CNTNAP2: variants seen among roughly 807,000 people sequenced by gnomAD.
CNTNAP2 encodes contactin associated protein 2.
Under a neutral mutation model 155.2 loss-of-function variants are expected in CNTNAP2, and 98 were observed. The ratio of observed to expected loss-of-function variants is 0.63; its 90% CI spans 0.54 to 0.75. The LOEUF is 0.75. Ranked by LOEUF, CNTNAP2 falls within the 30% of genes least tolerant of loss-of-function variation. The probability of loss-of-function intolerance (pLI) is 0.00; values close to 1 mark genes in which losing one functional copy is unlikely to be tolerated. For missense variants in CNTNAP2, 1,727 were observed against 1,688.1 expected (o/e 1.02, Z -0.40); for synonymous variants, 651 against 631.2 (o/e 1.03, Z -0.47).
chr7:147,047,746 T>A (rs1799394029), intron 4 of CNTNAP2, among the ~76,000 whole-genome samples: 1 of 152,172 alleles, frequency 6.6e-6, no homozygotes, highest in East Asian at 1.9e-4. Context: ...TGTCATGGGC[T>A]TTTCCATCAA....
chr7:146,728,814 G>T (rs1053106471), intron 1 of CNTNAP2, among the ~76,000 whole-genome samples: 1 of 152,142 alleles, frequency 6.6e-6, no homozygotes, highest in African/African-American at 2.4e-5. Flanking sequence ...GTACTGTGCT[G>T]CATATCAGGT....
chr7:148,080,029 C>T (rs914289379), intron 15 of CNTNAP2, among the ~76,000 whole-genome samples: 14 of 152,194 alleles, frequency 9.2e-5, no homozygotes, highest in African/African-American at 3.1e-4. Flanking sequence ...AGCTAATGTG[C>T]AGTTCACCAA....
intron 8 of CNTNAP2, among the ~76,000 whole-genome samples, chr7:147,284,004 C>A (rs1805115796): frequency 6.6e-6 from 1 of 151,378 alleles, no homozygotes; most frequent in East Asian, 1.9e-4. Context: ...ATGTAATTTT[C>A]TTTTTTCATC....
intron 21 of CNTNAP2, among the ~76,000 whole-genome samples, chr7:148,297,565 G>T (rs148961311): frequency 6.6e-6 from 1 of 152,104 alleles, no homozygotes; most frequent in East Asian, 1.9e-4. Context: ...AGTGCTATTC[G>T]GTTTTCAGTA....
chr7:147,717,085 T>C (rs1796490829), intron 13 of CNTNAP2, among the ~76,000 whole-genome samples: 1 of 152,004 alleles, frequency 6.6e-6, no homozygotes, highest in Non-Finnish European at 1.5e-5. Context: ...ATCACCAAAA[T>C]CTGGGTGAAG....
At chr7:147,432,509 A>G (rs987403666) in intron 10 of CNTNAP2, among the ~76,000 whole-genome samples, 3 of 152,196 alleles carry the variant, frequency 2.0e-5, no homozygotes, top group African/African-American at 7.2e-5. Flanking sequence ...TACTTCCCAC[A>G]TTAGCTACAT....
At chr7:146,165,786 A>C (rs1177846643) in intron 1 of CNTNAP2, among the ~76,000 whole-genome samples, 2 of 152,218 alleles carry the variant, frequency 1.3e-5, no homozygotes, top group African/African-American at 4.8e-5. Context: ...ATAATATACA[A>C]AAATAAAATA....
chr7:146,453,122 G>A (rs1796506724), intron 1 of CNTNAP2, among the ~76,000 whole-genome samples: 1 of 152,200 alleles, frequency 6.6e-6, no homozygotes, highest in African/African-American at 2.4e-5. Flanking sequence ...GGAGAGCACT[G>A]CACAGAAACG....
chr7:147,688,798 T>G (rs1352253025), intron 13 of CNTNAP2, among the ~76,000 whole-genome samples: 2 of 152,154 alleles, frequency 1.3e-5, no homozygotes, highest in Non-Finnish European at 2.9e-5. Context: ...TGTGAACAGC[T>G]GAATGTTATA....
Position 146,754,554 on chromosome 7 carries a change from G to GTCTCTCTCTC in CNTNAP2, c.98-19701_98-19692dup, listed in dbSNP as rs143802449. Among the ~76,000 whole-genome samples the GTCTCTCTCTC allele has an allele frequency of 6.3e-3, 908 of 144,966 alleles. 5 individuals are homozygous for GTCTCTCTCTC. The highest frequency in any genetic ancestry group is 0.016 in the African/African-American group (628 of 39,134). On this transcript the variant is annotated intron_variant, in intron 1 of 23. Coordinates refer to ENST00000361727, the MANE Select transcript of CNTNAP2 (RefSeq NM_014141.6). ...TTAGAGTCTCTCTCTCTCTCTCTCT[G>GTCTCTCTCTC]TCTCTCTCTCTCTCTCTCTCTCTCT...
At chr7:148,221,064 A>G (rs754894594) in intron 19 of CNTNAP2, among the ~76,000 whole-genome samples, 8 of 151,916 alleles carry the variant, frequency 5.3e-5, no homozygotes, top group Non-Finnish European at 1.0e-4. Context: ...TGTATTCGCT[A>G]CCTCACATGC....
At chr7:147,299,619 A>G (rs960830531) in intron 8 of CNTNAP2, among the ~76,000 whole-genome samples, 2 of 152,336 alleles carry the variant, frequency 1.3e-5, no homozygotes, top group Non-Finnish European at 2.9e-5. Flanking sequence ...TTGAGAGAAA[A>G]CAAGCTATAC....
intron 1 of CNTNAP2, among the ~76,000 whole-genome samples, chr7:146,271,226 A>G (rs1437796483): frequency 1.3e-5 from 2 of 152,068 alleles, no homozygotes; most frequent in Non-Finnish European, 2.9e-5. Context: ...ATCAAACCTT[A>G]ACCCCTGAAA....
intron 11 of CNTNAP2, among the ~76,000 whole-genome samples, chr7:147,530,676 G>A (rs1799415849): frequency 6.6e-6 from 1 of 152,116 alleles, no homozygotes; most frequent in Non-Finnish European, 1.5e-5. Context: ...TACAATTCAA[G>A]TTGAGATTTG....
In CNTNAP2 at chr7:146,751,317, G is replaced by A. The variant is rs367893719; in HGVS notation, c.98-22954G>A. ...CTTTTTGCCAACCTAACATCCTTAC[G>A]TGAGAATAGCATATAATTACATATC... On this transcript the variant is annotated intron_variant, in intron 1 of 23. Transcript: ENST00000361727. Among the ~76,000 whole-genome samples, 5 of 152,178 alleles carry A rather than the reference G, an allele frequency of 3.3e-5. No homozygotes were observed. The East Asian group carries it at 5.8e-4, about 18-fold the overall frequency.
intron 21 of CNTNAP2, among the ~76,000 whole-genome samples, chr7:148,332,162 G>A (rs1282649315): frequency 2.8e-5 from 3 of 106,394 alleles, no homozygotes; most frequent in Non-Finnish European, 5.3e-5. Context: ...CAAACTGAGC[G>A]GACAAAAAAA....
chr7:147,593,209 CTTAT>C (rs2116847365), intron 12 of CNTNAP2, among the ~76,000 whole-genome samples: 1 of 140,222 alleles, frequency 7.1e-6, no homozygotes, highest in Non-Finnish European at 1.6e-5. Context: ...AAGACCTTCC[CTTAT>C]TTTTTTTTTT....
intron 1 of CNTNAP2, among the ~76,000 whole-genome samples, chr7:146,344,723 C>T (rs1352269526): frequency 6.6e-6 from 1 of 152,156 alleles, no homozygotes; most frequent in Non-Finnish European, 1.5e-5. Flanking sequence ...AGGGATCAGC[C>T]CACCTCGGCC....
At chr7:146,168,378 T>C (rs931040684) in intron 1 of CNTNAP2, among the ~76,000 whole-genome samples, 1 of 152,116 alleles carries the variant, frequency 6.6e-6, no homozygotes, top group African/African-American at 2.4e-5. Context: ...ATGTATTATA[T>C]ATGAAGGAAA....
Sources: allele counts gnomAD v4.1 joint callset (sites outside exome capture counted in the v4.1 genomes callset), GRCh38; gene constraint gnomAD v4.1.1; transcripts MANE v1.5; gene names NCBI Gene and HGNC (gene_info 2026-07-23, HGNC 2026-07-21).